Variants in IQCH observed in about 807,000 individuals in gnomAD.
IQCH encodes IQ motif containing H.
IQCH carries 98 observed loss-of-function variants against 117.0 expected under a neutral mutation model. The observed-to-expected ratio is 0.84, with a 90% CI of 0.71 to 0.99. IQCH has a LOEUF of 0.99. IQCH is among the 50% of genes least tolerant of loss of function. The probability of loss-of-function intolerance (pLI) is 0.00; values close to 1 mark genes in which losing one functional copy is unlikely to be tolerated. For missense variants in IQCH, 1,102 were observed against 1,243.8 expected (o/e 0.89, Z 1.72); for synonymous variants, 412 against 448.2 (o/e 0.92, Z 1.02).
intron 10 of IQCH, among the ~76,000 whole-genome samples, chr15:67,380,127 CA>C (rs1970876326): frequency 6.6e-6 from 1 of 152,238 alleles, no homozygotes; most frequent in Non-Finnish European, 1.5e-5. Context: ...GTTGGGATTA[CA>C]GGTGTGAGCC....
At position 67,255,007 on chromosome 15, in the gene IQCH, C is replaced by T. The variant is rs1221704987; in HGVS notation, c.51+60C>T. On this transcript the variant is annotated intron_variant, in intron 1 of 20. Coordinates refer to ENST00000335894, the MANE Select transcript of IQCH (RefSeq NM_001031715.3). ...CAGCCGCGCCACTTCCGAGCGAGGT[C>T]CCGCGCGCCGATTCACCGACGCTCA... 2.0e-6 allele frequency: 3 copies of T among 1,532,248 alleles called. No homozygotes were observed. The East Asian group carries it at 7.0e-5, about 36-fold the overall frequency. 94.9% of individuals were successfully genotyped at this position (1,532,248 alleles called of 1,614,324 possible).
rs1012095002 is a variant in IQCH at position 67,433,668 on chromosome 15, C to T, written c.2505+12091C>T. On this transcript the variant is annotated intron_variant, in intron 16 of 20. Transcript: ENST00000335894. The surrounding 1 kb of genome is among the most constrained non-coding windows in gnomAD (Gnocchi z 5.4). Reference sequence around the variant, plus strand: ...TGAATCACCAGAAACATGGCCAGGGCGAGGAAAATCTGGACACTCACACTG... The same window carrying T: ...TGAATCACCAGAAACATGGCCAGGGTGAGGAAAATCTGGACACTCACACTG... Among the ~76,000 whole-genome samples, 2 of 152,116 alleles carry T rather than the reference C, an allele frequency of 1.3e-5. No homozygotes were observed. Among genetic ancestry groups the T allele is most frequent in the African/African-American group, 2.4e-5 (1 of 41,414 alleles).
At chr15:67,361,673 A>G (rs1336849002) in intron 8 of IQCH, among the ~76,000 whole-genome samples, 2 of 152,190 alleles carry the variant, frequency 1.3e-5, no homozygotes, top group Non-Finnish European at 2.9e-5. Flanking sequence ...GTCTGCTTTC[A>G]TCGGCTCCGA....
chr15:67,310,652 A>G (rs1364212398), intron 4 of IQCH, among the ~76,000 whole-genome samples: 4 of 152,138 alleles, frequency 2.6e-5, no homozygotes, highest in Non-Finnish European at 4.4e-5. Context: ...ATGATAGTGT[A>G]GCATCACAGA....
Position 67,445,809 on chromosome 15 carries a change from C to T in IQCH, c.2506-19318C>T, listed in dbSNP as rs2082378496. On this transcript the variant is annotated intron_variant, in intron 16 of 20. Transcript: ENST00000335894. This position sits in a 1 kb window ranked among gnomAD's most constrained non-coding sequence, Gnocchi z 4.3. ...ATGCTATTAAACCAACCCACTGGAG[C>T]TTGATCAGGTAGTCAGGAACCAATA... is the stretch of plus-strand genomic sequence containing the variant. Among the ~76,000 whole-genome samples the T allele has an allele frequency of 6.6e-6, 1 of 152,166 alleles. No homozygotes were observed. The highest frequency in any genetic ancestry group is 1.5e-5 in the Non-Finnish European group (1 of 68,022).
At chr15:67,266,431 C>T (rs965634419) in intron 3 of IQCH, among the ~76,000 whole-genome samples, 13 of 151,932 alleles carry the variant, frequency 8.6e-5, no homozygotes, top group African/African-American at 2.4e-4. Context: ...CCAAGGCGGG[C>T]GGATCACGAG....
chr15:67,419,792 A>G (rs2081679625), intron 15 of IQCH, among the ~76,000 whole-genome samples: 1 of 152,160 alleles, frequency 6.6e-6, no homozygotes, highest in Non-Finnish European at 1.5e-5. Flanking sequence ...TTTTCAGAGG[A>G]GGAATTAATT....
At chr15:67,438,459 A>G (rs552653215) in intron 16 of IQCH, among the ~76,000 whole-genome samples, 1 of 152,372 alleles carries the variant, frequency 6.6e-6, no homozygotes, top group South Asian at 2.1e-4. Context: ...TAAAGCATAA[A>G]TCACACAGGA....
chr15:67,256,554 A>G (rs551018862), intron 1 of IQCH, among the ~76,000 whole-genome samples: 3 of 152,216 alleles, frequency 2.0e-5, no homozygotes, highest in Non-Finnish European at 4.4e-5. Context: ...AGGACATCCC[A>G]GGCGCCTAGA....
chr15:67,343,971 A>G, intron 5 of IQCH, 92 bp from the exon 6 acceptor site: 1 of 1,092,756 alleles, frequency 9.2e-7, no homozygotes, highest in Non-Finnish European at 1.3e-6. Context: ...AAGATGATGA[A>G]TGGAGTAAGT....
Position 67,417,261 on chromosome 15 carries a change from A to G in IQCH, c.2218+210A>G, listed in dbSNP as rs184668350. On this transcript the variant is annotated intron_variant, in intron 15 of 20. Coordinates refer to ENST00000335894, the MANE Select transcript of IQCH (RefSeq NM_001031715.3). The surrounding 1 kb of genome is among the most constrained non-coding windows in gnomAD (Gnocchi z 4.3). The stretch of plus-strand genomic sequence containing the variant: ...AAGAACCTAGCATGCCAAGCATGGC[A>G]TGGGAAGCTCAAGATTCTGGGCCTT... 9.8e-5 allele frequency among the ~76,000 whole-genome samples: 15 copies of G among 152,302 alleles called. No individual in the cohort carries two copies. In the East Asian group the frequency reaches 2.7e-3, roughly 27 times the overall value.
intron 18 of IQCH, 95 bp from the exon 19 acceptor site, chr15:67,489,908 A>G (rs1406499093): frequency 2.2e-6 from 2 of 891,768 alleles, no homozygotes; most frequent in African/African-American, 1.7e-5. Context: ...TTCAAATCAA[A>G]TCAATCTTAG....
chr15:67,491,429 A>C lies in IQCH; in HGVS notation c.2861+1365A>C, dbSNP rs191676957. Among the ~76,000 whole-genome samples, 2 of 152,262 alleles carry C rather than the reference A, an allele frequency of 1.3e-5. No homozygotes were observed. Among genetic ancestry groups the C allele is most frequent in the East Asian group, 3.9e-4 (2 of 5,184 alleles). On this transcript the variant is annotated intron_variant, in intron 19 of 20. Coordinates refer to ENST00000335894, the MANE Select transcript of IQCH (RefSeq NM_001031715.3). The surrounding 1 kb of genome is among the most constrained non-coding windows in gnomAD (Gnocchi z 4.9). The stretch of plus-strand genomic sequence containing the variant: ...CTGGTTTCTTCTCCCTTGCAACTAG[A>C]ATGTGGCTACAATTTAATCTGGCAC...
intron 3 of IQCH, 63 bp from the exon 4 acceptor site, chr15:67,279,332 T>A (rs567567276): frequency 9.5e-6 from 8 of 843,172 alleles, no homozygotes. Context: ...TGTTTTAAAA[T>A]TACAATTTGA....
chr15:67,254,972 C>G (rs781306979), intron 1 of IQCH, 25 bp downstream of exon 1: 1 of 1,606,740 alleles, frequency 6.2e-7, no homozygotes, highest in Non-Finnish European at 8.5e-7. Flanking sequence ...TCCCCCGGCC[C>G]TGCCCTGCCC....
intron 8 of IQCH, among the ~76,000 whole-genome samples, chr15:67,362,311 A>G (rs994241033): frequency 3.3e-5 from 5 of 152,128 alleles, no homozygotes; most frequent in African/African-American, 1.2e-4. Flanking sequence ...AAAAATCCAA[A>G]TTGAAGAAAA....
intron 3 of IQCH, among the ~76,000 whole-genome samples, chr15:67,270,058 C>T (rs1017622192): frequency 2.0e-5 from 3 of 152,152 alleles, no homozygotes; most frequent in Admixed American, 1.3e-4. Flanking sequence ...GAGGCACCTC[C>T]ATACTGTTTT....
intron 6 of IQCH, among the ~76,000 whole-genome samples, chr15:67,355,037 G>A (rs1411655582): frequency 2.0e-5 from 3 of 152,140 alleles, no homozygotes; most frequent in African/African-American, 7.2e-5. Flanking sequence ...CAGGGATAGG[G>A]TTAGAGCTAA....
At chr15:67,307,925 G>A (rs1967382343) in intron 4 of IQCH, among the ~76,000 whole-genome samples, 1 of 152,102 alleles carries the variant, frequency 6.6e-6, no homozygotes, top group Admixed American at 6.6e-5. Context: ...TCCAGTTCTT[G>A]TCATCTGGAA....
Sources: gnomAD v4.1 joint callset for allele counts (sites outside exome capture counted in the v4.1 genomes callset) on GRCh38, gnomAD v4.1.1 for gene constraint, Gnocchi (gnomAD v3.1) non-coding constraint, MANE v1.5 for transcripts, NCBI Gene and HGNC (gene_info 2026-07-23, HGNC 2026-07-21) for gene names.